The following ARHGEF6 variants were observed in gnomAD, a reference collection of about 807,000 sequenced individuals.
ARHGEF6 encodes the protein Rac/Cdc42 guanine nucleotide exchange factor 6.
In ARHGEF6, 9 loss-of-function variants were observed where a neutral mutation model predicts 70.3. That is an observed-to-expected ratio of 0.13 (90% CI 0.08 to 0.22). The LOEUF (loss-of-function observed/expected upper bound fraction) is 0.22, where lower values mean the gene tolerates loss of function less well. ARHGEF6 is among the 10% of genes least tolerant of loss of function. The pLI is 1.00. For synonymous variants in ARHGEF6, 201 were observed against 207.8 expected (o/e 0.97, Z 0.28); for missense variants, 470 against 563.0 (o/e 0.83, Z 1.67).
At chrX:136,708,541 G>T in intron 8 of ARHGEF6, 134 bp downstream of exon 8, 1 of 502,849 alleles carries the variant, frequency 2.0e-6, no homozygotes, top group Non-Finnish European at 3.5e-6. Flanking sequence ...CACTGTCTAT[G>T]TATTGCTACT....
In ARHGEF6 at chrX:136,668,005, C is replaced by T. The variant is rs771494500; in HGVS notation, c.*24G>A. ...CATTTCAAGATGCCCTGAAGGCACACTCCACCCAGTGGCACAGTGATGGTT... is the reference window on the plus strand; with the variant it reads ...CATTTCAAGATGCCCTGAAGGCACATTCCACCCAGTGGCACAGTGATGGTT... On this transcript the variant is annotated 3_prime_UTR_variant, in exon 22 of 22. Coordinates refer to ENST00000250617, the MANE Select transcript of ARHGEF6 (RefSeq NM_004840.3). 2 of 1,211,329 alleles carry T rather than the reference C, an allele frequency of 1.7e-6. No homozygotes were observed. The highest frequency in any genetic ancestry group is 2.2e-6 in the Non-Finnish European group (2 of 895,138).
In ARHGEF6 at chrX:136,767,254, C is replaced by A. The variant is rs755682152; in HGVS notation, c.249+12160G>T. The A allele has an allele frequency of 3.7e-4, 277 of 753,687 alleles. No homozygotes were observed. In the African/African-American group the frequency reaches 6.0e-3, roughly 16 times the overall value. The allele number at this position is 753,687 out of a possible 1,213,427, so 62.1% of individuals were successfully genotyped here. On this transcript the variant is annotated intron_variant, in intron 2 of 21. Transcript: ENST00000250617. ...CCGAGTCACGGGGCCGGCGAGCGGG[C>A]GGGCAAGCCTGTGCCAAGGCTGCGG... is the stretch of plus-strand genomic sequence containing the variant.
chrX:136,693,881 G>A (rs1274277076), intron 9 of ARHGEF6, among the ~76,000 whole-genome samples: 1 of 111,337 alleles, frequency 9.0e-6, no homozygotes, highest in African/African-American at 3.3e-5. Context: ...AAATCACTGT[G>A]GTCCAAAAGG....
chrX:136,681,731 G>A (rs1243934787), intron 14 of ARHGEF6, among the ~76,000 whole-genome samples, 159 bp downstream of exon 14: 3 of 112,164 alleles, frequency 2.7e-5, no homozygotes, highest in African/African-American at 9.7e-5. Flanking sequence ...TGCTATTGCT[G>A]TACCCTAATT....
chrX:136,756,241 A>G (rs1442344999), intron 2 of ARHGEF6, among the ~76,000 whole-genome samples: 1 of 112,034 alleles, frequency 8.9e-6, no homozygotes, highest in Non-Finnish European at 1.9e-5. Flanking sequence ...GCTCATCAGC[A>G]AAATTAAGCT....
At chrX:136,709,410 T>C (rs2076661106) in intron 7 of ARHGEF6, among the ~76,000 whole-genome samples, 1 of 112,576 alleles carries the variant, frequency 8.9e-6, no homozygotes, top group African/African-American at 3.2e-5. Flanking sequence ...TCAACACTCA[T>C]AGAGCACTGA....
At position 136,712,107 on chromosome X, in the gene ARHGEF6, GTTGT is replaced by G. The variant is rs753996909; in HGVS notation, c.827+1165_827+1168del. 4.5e-5 allele frequency among the ~76,000 whole-genome samples: 5 copies of G among 110,852 alleles called. 1 individual carries two copies. The highest frequency in any genetic ancestry group is 5.6e-4 in the East Asian group (2 of 3,588). ...TTTGCTTGGTTTTGTTGTTGTTGTT[GTTGT>G]TTGTTTGTTTGTTTTCACATGGAGT... On this transcript the variant is annotated intron_variant, in intron 7 of 21. Transcript: ENST00000250617.
At chrX:136,706,421 T>C (rs1478271589) in intron 9 of ARHGEF6, among the ~76,000 whole-genome samples, 1 of 111,725 alleles carries the variant, frequency 9.0e-6, no homozygotes, top group Non-Finnish European at 1.9e-5. Context: ...CTACACAGTT[T>C]AGCTATGTGT....
At chrX:136,710,540 C>T (rs967117412) in intron 7 of ARHGEF6, among the ~76,000 whole-genome samples, 2 of 108,916 alleles carry the variant, frequency 1.8e-5, no homozygotes, top group Non-Finnish European at 3.8e-5. Flanking sequence ...AGCCAACCAA[C>T]TTCCCTGGTT....
intron 2 of ARHGEF6, among the ~76,000 whole-genome samples, chrX:136,773,519 G>A (rs1422918175): frequency 8.9e-6 from 1 of 111,776 alleles, no homozygotes; most frequent in Non-Finnish European, 1.9e-5. Flanking sequence ...CTTCTTTCTG[G>A]GTTCTAGGAG....
intron 2 of ARHGEF6, among the ~76,000 whole-genome samples, chrX:136,760,696 C>T (rs1455490875): frequency 9.0e-6 from 1 of 111,171 alleles, no homozygotes; most frequent in Non-Finnish European, 1.9e-5. Flanking sequence ...TTTTTATTTT[C>T]CCCCTCAACT....
rs1195389919 is a variant in ARHGEF6 at position 136,667,847 on chromosome X, C to T, written c.*182G>A. The stretch of plus-strand genomic sequence containing the variant: ...AACCAAACAACAGCAAATGCCCAAG[C>T]GCGCACGTGCACGCACACACATATG... On this transcript the variant is annotated 3_prime_UTR_variant, in exon 22 of 22. Transcript: ENST00000250617. 11 of 550,713 alleles carry T rather than the reference C, an allele frequency of 2.0e-5. No homozygotes were observed. The highest frequency in any genetic ancestry group is 1.1e-4 in the Admixed American group (3 of 28,391). 45.4% of individuals were successfully genotyped at this position (550,713 alleles called of 1,213,427 possible).
intron 6 of ARHGEF6, among the ~76,000 whole-genome samples, chrX:136,719,932 T>C (rs2076778641): frequency 9.0e-6 from 1 of 111,610 alleles, no homozygotes; most frequent in African/African-American, 3.3e-5. Flanking sequence ...CTGCCAACAC[T>C]CACAAGAGAA....
chrX:136,757,497 T>C (rs1486313370), intron 2 of ARHGEF6, among the ~76,000 whole-genome samples: 1 of 112,221 alleles, frequency 8.9e-6, no homozygotes, highest in Non-Finnish European at 1.9e-5. Context: ...TCTCCTTATA[T>C]GCTCCAGAAT....
chrX:136,774,650 CAAA>C (rs10712642), intron 2 of ARHGEF6, among the ~76,000 whole-genome samples: 1 of 56,899 alleles, frequency 1.8e-5, no homozygotes, highest in African/African-American at 6.4e-5. Flanking sequence ...AACTCTGTCT[CAAA>C]AAAAAAAAAA....
In ARHGEF6 at chrX:136,702,089, T is replaced by C. The variant is rs778000869; in HGVS notation, c.1046+4819A>G. 1.5e-4 allele frequency among the ~76,000 whole-genome samples: 17 copies of C among 111,818 alleles called. No individual in the cohort carries two copies. The South Asian group carries it at 5.9e-3, about 39-fold the overall frequency. ...CAGTGTATTGGGTGATTTTACTTTA[T>C]AGAAAAGTGAAATGAATTACAATAA... is the stretch of plus-strand genomic sequence containing the variant. On this transcript the variant is annotated intron_variant, in intron 9 of 21. Coordinates refer to ENST00000250617, the MANE Select transcript of ARHGEF6 (RefSeq NM_004840.3).
At chrX:136,676,601 T>C (rs752170263) in intron 18 of ARHGEF6, 23 bp downstream of exon 18, 1 of 1,127,342 alleles carries the variant, frequency 8.9e-7, no homozygotes, top group East Asian at 3.0e-5. Flanking sequence ...ATAAACAACT[T>C]TCAGAAAGTA....
At position 136,682,886 on chromosome X, in the gene ARHGEF6, C is replaced by T. The variant is rs746228417; in HGVS notation, c.1393-42G>A. 1.2e-5 allele frequency: 12 copies of T among 1,040,196 alleles called. No homozygotes were observed. The South Asian group carries it at 1.9e-4, about 16-fold the overall frequency. The allele number at this position is 1,040,196 out of a possible 1,213,427, so 85.7% of individuals were successfully genotyped here. ...ATAATACATGAAGAACAGAATTGGACACTTTATCTGTTGAGAATTTCTGGA... is the reference window on the plus strand; with the variant it reads ...ATAATACATGAAGAACAGAATTGGATACTTTATCTGTTGAGAATTTCTGGA... On this transcript the variant is annotated intron_variant, in intron 12 of 21. Transcript: ENST00000250617.
chrX:136,765,792 GTTTC>G (rs1397463431), intron 2 of ARHGEF6, among the ~76,000 whole-genome samples: 3 of 112,846 alleles, frequency 2.7e-5, no homozygotes, highest in Non-Finnish European at 5.6e-5. Flanking sequence ...AAACTTTTCT[GTTTC>G]TTTGTCAAGT....
Sources: gnomAD v4.1 joint callset for allele counts (sites outside exome capture counted in the v4.1 genomes callset) on GRCh38, gnomAD v4.1.1 for gene constraint, MANE v1.5 for transcripts, NCBI Gene and HGNC (gene_info 2026-07-23, HGNC 2026-07-21) for gene names.